Variants in AKR1B1 observed in about 807,000 individuals in gnomAD.
AKR1B1 encodes aldo-keto reductase family 1 member B, also known as aldo-keto reductase family 1 member B1.
A neutral mutation model predicts 40.4 loss-of-function variants in AKR1B1; 22 were observed. That is an observed-to-expected ratio of 0.54 (90% CI 0.39 to 0.78). AKR1B1 has a LOEUF of 0.78. Ranked by LOEUF, AKR1B1 falls within the 30% of genes least tolerant of loss-of-function variation. The pLI, the probability that AKR1B1 is intolerant of heterozygous loss-of-function variation, is 0.00. For missense variants in AKR1B1, 357 were observed against 396.7 expected (o/e 0.90, Z 0.85); for synonymous variants, 157 against 149.9 (o/e 1.05, Z -0.35).
intron 1 of AKR1B1, 78 bp downstream of exon 1, chr7:134,458,918 CA>C (rs1413603304): frequency 6.8e-7 from 1 of 1,480,260 alleles, no homozygotes; most frequent in Non-Finnish European, 9.2e-7. Flanking sequence ...TGCTCAGGGT[CA>C]CTCGGGGTCC....
intron 1 of AKR1B1, among the ~76,000 whole-genome samples, chr7:134,458,596 C>G (rs975412152): frequency 1.3e-5 from 2 of 152,148 alleles, no homozygotes; most frequent in African/African-American, 4.8e-5. Flanking sequence ...GACGGCTCCA[C>G]GTCCCTGTCT....
At chr7:134,443,366 TCATGCCATTA>T (rs1179199770) in intron 9 of AKR1B1, among the ~76,000 whole-genome samples, 4 of 151,882 alleles carry the variant, frequency 2.6e-5, no homozygotes, top group Non-Finnish European at 5.9e-5. Context: ...TGAGCTGTGA[TCATGCCATTA>T]CATTCCAGCC....
Position 134,447,996 on chromosome 7 carries a change from T to A in AKR1B1, c.725A>T (p.Asn242Ile). Residue 242 changes from asparagine to isoleucine, a missense_variant, in exon 7 of 10, where the codon AAT becomes ATT. Asn to Ile is a moderately radical substitution (Grantham distance 149). Coordinates refer to ENST00000285930, the MANE Select transcript of AKR1B1 (RefSeq NM_001628.4). ...PRIKAIAAKHNKTTAQVLIRF... is the reference protein window; with the variant it reads ...PRIKAIAAKHIKTTAQVLIRF... ...TGGCTGTACCTGGGCTGTAGTTTTA[T>A]TGTGCTTGGCTGCGATCGCCTTGAT... The A allele has an allele frequency of 6.2e-7, 1 of 1,613,114 alleles. No individual in the cohort carries two copies. The highest frequency in any genetic ancestry group is 8.5e-7 in the Non-Finnish European group (1 of 1,179,766).
intron 8 of AKR1B1, among the ~76,000 whole-genome samples, chr7:134,445,742 C>T (rs946074381): frequency 1.3e-5 from 2 of 152,222 alleles, no homozygotes; most frequent in African/African-American, 4.8e-5. Flanking sequence ...ACAGGAAGGG[C>T]AGAGGTATTC....
chr7:134,453,032 G>A (rs1383985635), intron 1 of AKR1B1, among the ~76,000 whole-genome samples: 1 of 152,222 alleles, frequency 6.6e-6, no homozygotes, highest in Admixed American at 6.5e-5. Context: ...TGAAGGAACA[G>A]AGAATCTCAA....
intron 9 of AKR1B1, 140 bp downstream of exon 9, chr7:134,445,098 C>G: frequency 1.3e-6 from 1 of 779,924 alleles, no homozygotes; most frequent in Non-Finnish European, 2.2e-6. Flanking sequence ...AGTCACGTGG[C>G]TGAGAAAGCA....
At chr7:134,458,224 T>C (rs1283567323) in intron 1 of AKR1B1, among the ~76,000 whole-genome samples, 2 of 152,032 alleles carry the variant, frequency 1.3e-5, no homozygotes, top group Non-Finnish European at 2.9e-5. Flanking sequence ...ATTGTCATTC[T>C]CATCCGGCTA....
chr7:134,448,282 T>C, intron 6 of AKR1B1, 105 bp downstream of exon 6: 1 of 1,126,516 alleles, frequency 8.9e-7, no homozygotes, highest in Non-Finnish European at 1.3e-6. Context: ...GGGGAAGTTT[T>C]GCAGATCACC....
At chr7:134,450,715 AG>A in intron 3 of AKR1B1, 70 bp downstream of exon 3, 3 of 1,153,620 alleles carry the variant, frequency 2.6e-6, no homozygotes, top group Non-Finnish European at 3.9e-6. Context: ...TAATCTGCTA[AG>A]GGAGCTCAAA....
intron 4 of AKR1B1, 190 bp downstream of exon 4, chr7:134,449,530 T>C: frequency 1.6e-6 from 1 of 619,568 alleles, no homozygotes; most frequent in Non-Finnish European, 2.8e-6. Flanking sequence ...GAGCTTGCAG[T>C]GAGCCGAGAT....
At chr7:134,459,158 T>G (rs1170179959), upstream of AKR1B1, 5 of 1,442,788 alleles carry the variant, frequency 3.5e-6, no homozygotes, top group Non-Finnish European at 3.8e-6. Context: ...AAAGGGCGCC[T>G]GCGGTTGGCG....
chr7:134,445,437 T>C (rs2117447116), intron 8 of AKR1B1, 117 bp from the exon 9 acceptor site: 1 of 845,564 alleles, frequency 1.2e-6, no homozygotes, highest in Non-Finnish European at 1.9e-6. Flanking sequence ...TAAGATAAAC[T>C]GAACTTAGGA....
chr7:134,444,962 T>C, intron 9 of AKR1B1: 1 of 556,948 alleles, frequency 1.8e-6, no homozygotes, highest in Non-Finnish European at 3.2e-6. Flanking sequence ...TGCTAGGATT[T>C]AAAAATTGAA....
In AKR1B1 at chr7:134,450,891, C is replaced by T. The variant is rs139738197; in HGVS notation, c.246G>A (p.Thr82=). ...CTTTCACCAGGCCCTTCTCATGGTA[C>T]GTGCACCACAGCTAAGCCAGCGAGA... The part of the protein sequence containing the change: ...ELFIVSKLWC[T]YHEKGLVKGA... The change falls in exon 3 of 10, where the codon ACG becomes ACA. Residue 82 remains threonine, a synonymous_variant. Transcript: ENST00000285930. 177 of 1,614,006 alleles carry T rather than the reference C, an allele frequency of 1.1e-4. No homozygotes were observed. The African/African-American group carries it at 1.1e-3, about 10-fold the overall frequency.
chr7:134,455,225 C>A (rs1189978922), intron 1 of AKR1B1, among the ~76,000 whole-genome samples: 4 of 152,178 alleles, frequency 2.6e-5, no homozygotes, highest in African/African-American at 4.8e-5. Context: ...AAAAACCCCC[C>A]TCAGCTTATA....
chr7:134,442,791 A>C (rs1167534829), intron 9 of AKR1B1, 21 bp from the exon 10 acceptor site: 3 of 1,613,584 alleles, frequency 1.9e-6, no homozygotes, highest in Non-Finnish European at 2.5e-6. Flanking sequence ...AAAGGAGAAA[A>C]CAGTTGCTTT....
At chr7:134,446,999 C>T (rs1380109006) in intron 8 of AKR1B1, among the ~76,000 whole-genome samples, 1 of 151,868 alleles carries the variant, frequency 6.6e-6, no homozygotes, top group African/African-American at 2.4e-5. Flanking sequence ...CAGGTCCAGG[C>T]AGTGAAGCTC....
At chr7:134,446,811 T>A (rs1032775255) in intron 8 of AKR1B1, among the ~76,000 whole-genome samples, 1 of 152,248 alleles carries the variant, frequency 6.6e-6, no homozygotes, top group African/African-American at 2.4e-5. Context: ...ACAGCAACAT[T>A]TCTCGATCAC....
intron 9 of AKR1B1, among the ~76,000 whole-genome samples, chr7:134,443,258 T>C (rs1206638961): frequency 6.6e-6 from 1 of 152,064 alleles, no homozygotes. Context: ...AAAAAAACTT[T>C]TTAAATTAAC....
Sources: allele counts gnomAD v4.1 joint callset (sites outside exome capture counted in the v4.1 genomes callset), GRCh38; gene constraint gnomAD v4.1.1; transcripts MANE v1.5; gene names NCBI Gene and HGNC (gene_info 2026-07-23, HGNC 2026-07-21).